AMPD3: variants seen among roughly 807,000 people sequenced by gnomAD.
The protein encoded by AMPD3 is AMP deaminase 3.
AMPD3 carries 57 observed loss-of-function variants against 82.3 expected under a neutral mutation model. That is an observed-to-expected ratio of 0.69 (90% CI 0.56 to 0.86). The LOEUF (loss-of-function observed/expected upper bound fraction) is 0.86. AMPD3 is among the 40% of genes least tolerant of loss of function. The probability of loss-of-function intolerance (pLI) is 0.00; values close to 1 mark genes in which losing one functional copy is unlikely to be tolerated. For missense variants in AMPD3, 870 were observed against 1,003.8 expected, an observed-to-expected ratio of 0.87 and a Z score of 1.80; for synonymous variants, 381 against 394.7, an observed-to-expected ratio of 0.97 and a Z score of 0.41.
chr11:10,472,145 G>T (rs529335389), intron 2 of AMPD3, among the ~76,000 whole-genome samples: 22 of 152,294 alleles, frequency 1.4e-4, no homozygotes, highest in African/African-American at 5.3e-4. Context: ...CCTTTGCAGG[G>T]ACATGGATGA....
At chr11:10,499,495 C>T (rs1046610902) in intron 10 of AMPD3, 6 of 193,570 alleles carry the variant, frequency 3.1e-5, no homozygotes, top group Non-Finnish European at 5.8e-5. Context: ...GGATTACAGG[C>T]ATGAGCCATC....
At chr11:10,462,258 T>C (rs1283186665) in intron 2 of AMPD3, among the ~76,000 whole-genome samples, 1 of 152,072 alleles carries the variant, frequency 6.6e-6, no homozygotes, top group Non-Finnish European at 1.5e-5. Flanking sequence ...CAGAAACCAA[T>C]GAAGTATTAG....
intron 9 of AMPD3, chr11:10,496,553 T>G: frequency 1.0e-6 from 1 of 985,280 alleles, no homozygotes; most frequent in Non-Finnish European, 1.2e-6. Context: ...AATGCCACCA[T>G]CCCATTCCTA....
chr11:10,496,979 G>A, intron 10 of AMPD3, 41 bp downstream of exon 10: 1 of 1,609,444 alleles, frequency 6.2e-7, no homozygotes, highest in South Asian at 1.1e-5. Flanking sequence ...CATAGCGGCA[G>A]AGGCAGGAAT....
chr11:10,481,823 A>C (rs547865525), intron 3 of AMPD3: 19 of 566,808 alleles, frequency 3.4e-5, no homozygotes, highest in African/African-American at 5.6e-5. Context: ...ACATGTCTGC[A>C]TAGCACATCT....
chr11:10,497,732 G>A (rs1478643219), intron 10 of AMPD3: 1 of 985,228 alleles, frequency 1.0e-6, no homozygotes, highest in East Asian at 1.1e-4. Flanking sequence ...TGGAGGTGGG[G>A]GCAGGGGTGA....
intron 8 of AMPD3, 61 bp downstream of exon 8, chr11:10,495,091 G>A (rs1489348719): frequency 3.7e-6 from 6 of 1,613,184 alleles, no homozygotes; most frequent in African/African-American, 1.3e-5. Context: ...TGCCTTCAGA[G>A]AGTGGGGGCC....
chr11:10,458,685 C>T (rs1848172503), intron 1 of AMPD3, among the ~76,000 whole-genome samples: 1 of 152,168 alleles, frequency 6.6e-6, no homozygotes, highest in Admixed American at 6.5e-5. Context: ...GATTACTTAA[C>T]ATCTTTTTCA....
At chr11:10,451,055 C>G (rs767301190), upstream of AMPD3, 23 of 1,574,124 alleles carry the variant, frequency 1.5e-5, no homozygotes, top group Non-Finnish European at 1.9e-5. Flanking sequence ...TGAGTGCGCG[C>G]GAGGCTGCGC....
At chr11:10,459,373 C>G (rs537039681) in intron 1 of AMPD3, among the ~76,000 whole-genome samples, 3 of 152,170 alleles carry the variant, frequency 2.0e-5, no homozygotes, top group Non-Finnish European at 4.4e-5. Flanking sequence ...CACCGGAAAT[C>G]TCTCTGGTAC....
At chr11:10,452,015 A>C (rs1201227758), upstream of AMPD3, among the ~76,000 whole-genome samples, 1 of 152,042 alleles carries the variant, frequency 6.6e-6, no homozygotes, top group Non-Finnish European at 1.5e-5. Flanking sequence ...TGCTCTGAGG[A>C]TGATGGTATG....
At chr11:10,500,496 T>C in intron 11 of AMPD3, 1 of 674,538 alleles carries the variant, frequency 1.5e-6, no homozygotes, top group Non-Finnish European at 1.8e-6. Flanking sequence ...CAGACATATG[T>C]CATGTACAGT....
intron 5 of AMPD3, 63 bp from the exon 6 acceptor site, chr11:10,487,172 G>C (rs1849097221): frequency 6.2e-7 from 1 of 1,610,490 alleles, no homozygotes; most frequent in African/African-American, 1.3e-5. Context: ...AGATGCTGGA[G>C]GCCTCCAAAC....
chr11:10,479,515 G>C (rs1026794482), intron 3 of AMPD3, among the ~76,000 whole-genome samples: 1 of 152,056 alleles, frequency 6.6e-6, no homozygotes, highest in Non-Finnish European at 1.5e-5. Context: ...AATTTTTTTG[G>C]TTATGTGTAA....
At chr11:10,457,898 A>G (rs1019807415) in intron 1 of AMPD3, among the ~76,000 whole-genome samples, 2 of 151,852 alleles carry the variant, frequency 1.3e-5, no homozygotes, top group African/African-American at 4.8e-5. Context: ...CTCTCAATCA[A>G]TCAATGAATA....
At chr11:10,488,433 G>C in intron 6 of AMPD3, 2 of 984,522 alleles carry the variant, frequency 2.0e-6, no homozygotes, top group Non-Finnish European at 2.4e-6. Flanking sequence ...GTAGAGGCAC[G>C]TGATGTGCAA....
chr11:10,465,915 G>A (rs1458551855), intron 2 of AMPD3, among the ~76,000 whole-genome samples: 1 of 151,988 alleles, frequency 6.6e-6, no homozygotes, highest in African/African-American at 2.4e-5. Context: ...TAAAGCCAGG[G>A]AGCCAAGTGG....
chr11:10,463,976 G>A (rs1180043521), intron 2 of AMPD3, among the ~76,000 whole-genome samples: 1 of 152,132 alleles, frequency 6.6e-6, no homozygotes, highest in Admixed American at 6.5e-5. Context: ...CAACTTCTTG[G>A]ACCTCTGTGT....
At chr11:10,493,892 A>G (rs1849314197) in intron 7 of AMPD3, among the ~76,000 whole-genome samples, 1 of 152,222 alleles carries the variant, frequency 6.6e-6, no homozygotes, top group South Asian at 2.1e-4. Context: ...AAAACACTAA[A>G]TGATGGTGTA....
Sources: allele counts gnomAD v4.1 joint callset (sites outside exome capture counted in the v4.1 genomes callset), GRCh38; gene constraint gnomAD v4.1.1; transcripts MANE v1.5; gene names NCBI Gene and HGNC (gene_info 2026-07-23, HGNC 2026-07-21).